The following LIPJ variants were observed in gnomAD, a reference collection of about 807,000 sequenced individuals.
LIPJ encodes the protein lipase member J.
LIPJ carries 33 observed loss-of-function variants against 39.8 expected under a neutral mutation model. The ratio of observed to expected loss-of-function variants is 0.83; its 90% CI spans 0.63 to 1.11. The LOEUF is 1.11. Ranked by LOEUF, LIPJ falls within the 50% of genes least tolerant of loss-of-function variation. The probability of loss-of-function intolerance (pLI) is 0.00; values close to 1 mark genes in which losing one functional copy is unlikely to be tolerated. For synonymous variants in LIPJ, 128 were observed against 139.2 expected, an observed-to-expected ratio of 0.92 and a Z score of 0.57; for missense variants, 422 against 427.9, an observed-to-expected ratio of 0.99 and a Z score of 0.12.
exon 7 of LIPJ, chr10:88,596,411 G>A (rs1358385896): frequency 6.5e-7 from 1 of 1,527,406 alleles, no homozygotes; most frequent in Non-Finnish European, 8.8e-7. Context: ...GAAGTCAATA[G>A]TCATGGTATG....
intron 2 of LIPJ, among the ~76,000 whole-genome samples, chr10:88,589,965 CTTA>C (rs1851026273): frequency 6.6e-6 from 1 of 151,506 alleles, no homozygotes; most frequent in African/African-American, 2.4e-5. Context: ...TAGTGGTTGG[CTTA>C]TTATACAAGG....
intron 4 of LIPJ, chr10:88,593,664 A>AT (rs1659344341): frequency 4.0e-6 from 1 of 247,764 alleles, no homozygotes; most frequent in Non-Finnish European, 7.7e-6. Context: ...GAGTGCTTGA[A>AT]TTACTATAAA....
chr10:88,589,933 T>C (rs1851024925), intron 2 of LIPJ, among the ~76,000 whole-genome samples: 1 of 151,752 alleles, frequency 6.6e-6, no homozygotes, highest in South Asian at 2.1e-4. Flanking sequence ...TTTATAATCC[T>C]TGAATCATGT....
chr10:88,588,259 CAACTTA>C (rs1022187191), intron 2 of LIPJ, among the ~76,000 whole-genome samples: 1 of 151,688 alleles, frequency 6.6e-6, no homozygotes, highest in African/African-American at 2.4e-5. Flanking sequence ...AAAAACATAT[CAACTTA>C]AAAACTCTAT....
At chr10:88,589,009 G>T (rs1035872889) in intron 2 of LIPJ, among the ~76,000 whole-genome samples, 1 of 151,766 alleles carries the variant, frequency 6.6e-6, no homozygotes, top group Non-Finnish European at 1.5e-5. Flanking sequence ...AATATTTGAG[G>T]CTATAAATTG....
At chr10:88,616,367 G>C in the LIPJ span, among the ~76,000 whole-genome samples, 9 of 152,186 alleles carry the variant, frequency 5.9e-5, no homozygotes, top group African/African-American at 2.2e-4. Flanking sequence ...CCTGGCCTGC[G>C]TCAGGGAGAG....
exon 7 of LIPJ, chr10:88,596,291 T>G: frequency 6.9e-7 from 1 of 1,458,242 alleles, no homozygotes; most frequent in Admixed American, 2.3e-5. Flanking sequence ...TTTCATAACA[T>G]TTTCTACTAT....
the LIPJ span, among the ~76,000 whole-genome samples, chr10:88,614,692 G>T: frequency 7.9e-5 from 12 of 151,976 alleles, no homozygotes; most frequent in Non-Finnish European, 1.2e-4. Flanking sequence ...GTTATAAGTT[G>T]AATCTAAATT....
intron 8 of LIPJ, 128 bp from the exon 9 acceptor site, chr10:88,602,448 G>A (rs1851521660): frequency 5.6e-6 from 3 of 539,842 alleles, no homozygotes; most frequent in Non-Finnish European, 9.2e-6. Context: ...TTGATGATTT[G>A]TTTATTAATA....
At chr10:88,621,289 CAG>C in the LIPJ span, among the ~76,000 whole-genome samples, 1 of 152,230 alleles carries the variant, frequency 6.6e-6, no homozygotes, top group African/African-American at 2.4e-5. Flanking sequence ...GAGTGATAAA[CAG>C]AGTGTGGTAC....
At chr10:88,594,314 T>C (rs1456565462) in intron 5 of LIPJ, 170 bp downstream of exon 5, 2 of 589,478 alleles carry the variant, frequency 3.4e-6, no homozygotes, top group Admixed American at 3.2e-5. Context: ...CTTGTGTGAT[T>C]TTGAGTTTGA....
chr10:88,616,967 C>A, the LIPJ span, among the ~76,000 whole-genome samples: 2 of 152,130 alleles, frequency 1.3e-5, no homozygotes, highest in African/African-American at 2.4e-5. Flanking sequence ...CTTTTCTGGG[C>A]CTTTCTCTTC....
At chr10:88,621,794 C>T in the LIPJ span, among the ~76,000 whole-genome samples, 1 of 152,112 alleles carries the variant, frequency 6.6e-6, no homozygotes, top group Non-Finnish European at 1.5e-5. Flanking sequence ...AGTCAGTGTT[C>T]CGCTATTTTC....
intron 9 of LIPJ, among the ~76,000 whole-genome samples, chr10:88,603,906 A>G (rs1851577382): frequency 6.6e-6 from 1 of 152,202 alleles, no homozygotes; most frequent in South Asian, 2.1e-4. Flanking sequence ...AGAAAAATCT[A>G]AACAACCTTT....
chr10:88,600,730 C>T (rs1011813149), intron 8 of LIPJ, among the ~76,000 whole-genome samples: 1 of 152,060 alleles, frequency 6.6e-6, no homozygotes, highest in African/African-American at 2.4e-5. Context: ...TGTCTTAGTG[C>T]ATTTTGTGTT....
At chr10:88,590,731 A>G (rs1201615979) in intron 3 of LIPJ, 35 bp downstream of exon 3, 1 of 1,530,230 alleles carries the variant, frequency 6.5e-7, no homozygotes, top group South Asian at 1.1e-5. Flanking sequence ...GACTGCTGAA[A>G]TAACAGAGAA....
chr10:88,594,572 A>G (rs1851189901), intron 5 of LIPJ, 95 bp from the exon 6 acceptor site: 1 of 547,420 alleles, frequency 1.8e-6, no homozygotes, highest in East Asian at 3.2e-5. Flanking sequence ...ACTAGAGTAG[A>G]AAATTGCCTT....
chr10:88,612,826 A>C, the LIPJ span, among the ~76,000 whole-genome samples: 1 of 152,190 alleles, frequency 6.6e-6, no homozygotes. Flanking sequence ...TAGATAGGTC[A>C]TCAAGACAGA....
At chr10:88,615,852 A>C in the LIPJ span, among the ~76,000 whole-genome samples, 1 of 152,162 alleles carries the variant, frequency 6.6e-6, no homozygotes, top group Non-Finnish European at 1.5e-5. Flanking sequence ...TCCTAGGAAT[A>C]TACAGAATGT....
Sources: gnomAD v4.1 joint callset for allele counts (sites outside exome capture counted in the v4.1 genomes callset) on GRCh38, gnomAD v4.1.1 for gene constraint, MANE v1.5 for transcripts, NCBI Gene and HGNC (gene_info 2026-07-23, HGNC 2026-07-21) for gene names.